The following TACR3 variants were observed in gnomAD, a reference collection of about 807,000 sequenced individuals.
The protein encoded by TACR3 is tachykinin receptor 3, also known as neuromedin-K receptor.
Under a neutral mutation model 35.0 loss-of-function variants are expected in TACR3, and 34 were observed. That is an observed-to-expected ratio of 0.97 (90% CI 0.74 to 1.30). The LOEUF is 1.30. Among genes scored for constraint, TACR3 ranks in the 50% most tolerant of loss-of-function variants. The pLI is 0.00. For synonymous variants in TACR3, 233 were observed against 221.1 expected (o/e 1.05, Z -0.48); for missense variants, 558 against 591.7 (o/e 0.94, Z 0.59).
chr4:103,602,834 T>A (rs984442303), intron 3 of TACR3, among the ~76,000 whole-genome samples: 53 of 152,180 alleles, frequency 3.5e-4, no homozygotes, highest in African/African-American at 1.2e-3. Context: ...TACTCGGGGG[T>A]CAGGGAGCCA....
chr4:103,716,491 A>G (rs930851035), intron 1 of TACR3, among the ~76,000 whole-genome samples: 1 of 152,214 alleles, frequency 6.6e-6, no homozygotes, highest in African/African-American at 2.4e-5. Context: ...GAAAGTAAGT[A>G]ATTTTTCCAG....
intron 3 of TACR3, among the ~76,000 whole-genome samples, chr4:103,632,618 TAACA>T (rs1195979002): frequency 1.3e-5 from 2 of 149,608 alleles, no homozygotes; most frequent in African/African-American, 4.9e-5. Context: ...TATACCTAGG[TAACA>T]AACCTGCACG....
intron 1 of TACR3, among the ~76,000 whole-genome samples, chr4:103,696,979 C>A (rs983293058): frequency 6.6e-6 from 1 of 152,110 alleles, no homozygotes; most frequent in Non-Finnish European, 1.5e-5. Flanking sequence ...AGTGGTGCAG[C>A]CATAGCTCAC....
intron 1 of TACR3, among the ~76,000 whole-genome samples, chr4:103,717,447 C>A (rs536124862): frequency 2.3e-4 from 35 of 152,022 alleles, no homozygotes; most frequent in Admixed American, 5.9e-4. Context: ...AATAAGATAG[C>A]ACTAAATGAT....
chr4:103,601,536 T>G (rs191786944), intron 3 of TACR3, among the ~76,000 whole-genome samples: 43 of 152,322 alleles, frequency 2.8e-4, no homozygotes, highest in African/African-American at 1.0e-3. Context: ...GTTGTTCCTT[T>G]CCATGTTTAG....
chr4:103,607,591 C>G (rs1724410039), intron 3 of TACR3, among the ~76,000 whole-genome samples: 1 of 151,900 alleles, frequency 6.6e-6, no homozygotes, highest in African/African-American at 2.4e-5. Flanking sequence ...ATAATATAGG[C>G]TTAAGAAAGA....
At chr4:103,599,263 A>G (rs1402718844) in intron 3 of TACR3, among the ~76,000 whole-genome samples, 2 of 151,960 alleles carry the variant, frequency 1.3e-5, no homozygotes, top group East Asian at 3.9e-4. Flanking sequence ...TTTGTCTGTT[A>G]TTGGTGTATA....
Position 103,588,704 on chromosome 4 carries a change from AT to A in TACR3, c.*977del, listed in dbSNP as rs946443658. ...TTACTCATATGTAACATATATTGGT[AT>A]TTTTCAACCATATAGTCTTTTGTCA... is the stretch of plus-strand genomic sequence containing the variant. On this transcript the variant is annotated 3_prime_UTR_variant, in exon 5 of 5. Coordinates refer to ENST00000304883, the MANE Select transcript of TACR3 (RefSeq NM_001059.3). 8 of 152,150 alleles carry A rather than the reference AT, an allele frequency of 5.3e-5. No homozygotes were observed. Among genetic ancestry groups the A allele is most frequent in the African/African-American group, 1.9e-4 (8 of 41,538 alleles). 9.4% of individuals were successfully genotyped at this position (152,150 alleles called of 1,614,324 possible). A position where few individuals can be genotyped will look rare whatever the true frequency, so the allele number is the denominator to read the frequency against.
chr4:103,629,861 CAAAA>C (rs373706568), intron 3 of TACR3, among the ~76,000 whole-genome samples: 7 of 98,520 alleles, frequency 7.1e-5, no homozygotes, highest in African/African-American at 1.7e-4. Flanking sequence ...AAAAAAAAAA[CAAAA>C]AAAAAACAAA....
chr4:103,702,998 A>G (rs1722694985), intron 1 of TACR3, among the ~76,000 whole-genome samples: 1 of 152,006 alleles, frequency 6.6e-6, no homozygotes, highest in Non-Finnish European at 1.5e-5. Flanking sequence ...ACATGTATAC[A>G]TATGTAACAA....
intron 1 of TACR3, among the ~76,000 whole-genome samples, chr4:103,690,501 A>T (rs1722379296): frequency 6.6e-6 from 1 of 152,110 alleles, no homozygotes; most frequent in African/African-American, 2.4e-5. Context: ...TGCATGAAGC[A>T]AAAACAGAAC....
At chr4:103,631,739 C>T (rs1725071632) in intron 3 of TACR3, among the ~76,000 whole-genome samples, 1 of 152,178 alleles carries the variant, frequency 6.6e-6, no homozygotes, top group Admixed American at 6.5e-5. Flanking sequence ...ACTGTAGATT[C>T]TCTCATCTAT....
At chr4:103,641,966 G>A (rs1725366141) in intron 3 of TACR3, among the ~76,000 whole-genome samples, 1 of 151,842 alleles carries the variant, frequency 6.6e-6, no homozygotes, top group African/African-American at 2.4e-5. Flanking sequence ...GGTTACCAGA[G>A]GTGATGTTGG....
intron 3 of TACR3, among the ~76,000 whole-genome samples, chr4:103,597,765 C>G (rs1724071682): frequency 6.6e-6 from 1 of 152,104 alleles, no homozygotes; most frequent in African/African-American, 2.4e-5. Context: ...ATCCATGTCC[C>G]TACAAAGGAC....
chr4:103,663,387 A>G (rs1048009685), intron 1 of TACR3, among the ~76,000 whole-genome samples: 4 of 152,084 alleles, frequency 2.6e-5, no homozygotes, highest in African/African-American at 9.7e-5. Context: ...CCAGCTACTC[A>G]AGAGGTTGAG....
intron 1 of TACR3, among the ~76,000 whole-genome samples, chr4:103,668,754 C>T (rs1211314554): frequency 6.6e-6 from 1 of 150,622 alleles, no homozygotes; most frequent in African/African-American, 2.5e-5. Flanking sequence ...GAGGCTGAGG[C>T]AGGAGAATTG....
chr4:103,608,556 A>G (rs977756731), intron 3 of TACR3, among the ~76,000 whole-genome samples: 1 of 152,122 alleles, frequency 6.6e-6, no homozygotes, highest in Non-Finnish European at 1.5e-5. Context: ...TCTGAAATAA[A>G]AAAAGAATTA....
intron 1 of TACR3, among the ~76,000 whole-genome samples, chr4:103,684,431 GA>G (rs1722184563): frequency 6.6e-6 from 1 of 151,970 alleles, no homozygotes; most frequent in African/African-American, 2.4e-5. Context: ...TGAACAATTT[GA>G]AACTAAATTT....
chr4:103,707,530 GA>G (rs1204844174), intron 1 of TACR3, among the ~76,000 whole-genome samples: 1 of 152,116 alleles, frequency 6.6e-6, no homozygotes, highest in African/African-American at 2.4e-5. Flanking sequence ...ACAGTTCCAA[GA>G]TGGCCAAATA....
Sources: gnomAD v4.1 joint callset for allele counts (sites outside exome capture counted in the v4.1 genomes callset) on GRCh38, gnomAD v4.1.1 for gene constraint, MANE v1.5 for transcripts, NCBI Gene and HGNC (gene_info 2026-07-23, HGNC 2026-07-21) for gene names.